The following FRMPD4 variants were observed in gnomAD, a reference collection of about 807,000 sequenced individuals.
The protein encoded by FRMPD4 is FERM and PDZ domain-containing protein 4.
Under a neutral mutation model 94.1 loss-of-function variants are expected in FRMPD4, and 22 were observed. The ratio of observed to expected loss-of-function variants is 0.23; its 90% CI spans 0.17 to 0.33. FRMPD4 has a LOEUF of 0.33. Among genes scored for constraint, FRMPD4 ranks in the 10% least tolerant of loss-of-function variants. The probability of loss-of-function intolerance (pLI) is 1.00; values close to 1 mark genes in which losing one functional copy is unlikely to be tolerated. For missense variants in FRMPD4, 1,111 were observed against 1,339.9 expected (o/e 0.83, Z 2.67); for synonymous variants, 631 against 548.6 (o/e 1.15, Z -2.10).
chrX:11,959,415 C>T (rs1279336920), intron 3 of FRMPD4, among the ~76,000 whole-genome samples: 3 of 112,346 alleles, frequency 2.7e-5, no homozygotes, highest in Admixed American at 9.4e-5. Context: ...TGGAGTGTCA[C>T]GTCCCTTCAG....
intron 4 of FRMPD4, among the ~76,000 whole-genome samples, chrX:12,632,268 G>A (rs1184939508): frequency 9.0e-6 from 1 of 111,354 alleles, no homozygotes; most frequent in East Asian, 2.8e-4. Flanking sequence ...ACTTGAACCT[G>A]TGACACCTTC....
chrX:12,024,075 C>T (rs1285338001), intron 3 of FRMPD4, among the ~76,000 whole-genome samples: 1 of 111,857 alleles, frequency 8.9e-6, no homozygotes, highest in African/African-American at 3.2e-5. Flanking sequence ...CACCATTTGG[C>T]AATATTCCCT....
rs1008351722 is a variant in FRMPD4, at chrX:12,267,577, C to T, written c.41+128565C>T. Among the ~76,000 whole-genome samples the T allele has an allele frequency of 1.1e-4, 12 of 111,989 alleles. 1 individual carries two copies. Among genetic ancestry groups the T allele is most frequent in the Non-Finnish European group, 1.9e-5 (1 of 53,139 alleles). Reference sequence around the variant, plus strand: ...TTTGTCTTGTTGGTTTATACATATTCGTCTACATGGAAAATATTTAGGAGG... The same window carrying T: ...TTTGTCTTGTTGGTTTATACATATTTGTCTACATGGAAAATATTTAGGAGG... On this transcript the variant is annotated intron_variant, in intron 1 of 16. Coordinates refer to ENST00000675598, the MANE Select transcript of FRMPD4 (RefSeq NM_001368397.1).
chrX:12,647,497 T>C (rs2059558818), intron 4 of FRMPD4, among the ~76,000 whole-genome samples: 2 of 111,169 alleles, frequency 1.8e-5, no homozygotes, highest in African/African-American at 6.6e-5. Flanking sequence ...CCCCAGAACT[T>C]CCAGCTGATT....
chrX:12,356,108 G>A (rs2055891716), intron 1 of FRMPD4, among the ~76,000 whole-genome samples: 1 of 111,185 alleles, frequency 9.0e-6, no homozygotes, highest in Non-Finnish European at 1.9e-5. Flanking sequence ...TCTTTAAGGA[G>A]TCAGAGTGTT....
At chrX:12,328,208 T>G (rs1034326891) in intron 1 of FRMPD4, among the ~76,000 whole-genome samples, 5 of 112,272 alleles carry the variant, frequency 4.5e-5, no homozygotes, top group Non-Finnish European at 3.8e-5. Context: ...TGGGTAATAA[T>G]TTTCTAAAAT....
chrX:11,923,410 C>T (rs1173641520), intron 3 of FRMPD4, among the ~76,000 whole-genome samples: 2 of 111,996 alleles, frequency 1.8e-5, no homozygotes, highest in Non-Finnish European at 3.8e-5. Context: ...CCCAAGCCAA[C>T]ACTACCTTAA....
At chrX:12,700,430 G>T (rs1366505432) in intron 9 of FRMPD4, among the ~76,000 whole-genome samples, 1 of 112,349 alleles carries the variant, frequency 8.9e-6, no homozygotes, top group African/African-American at 3.2e-5. Context: ...CTTCCCAGCA[G>T]CACTTAGCTC....
chrX:12,070,831 A>G (rs1021957932), intron 3 of FRMPD4, among the ~76,000 whole-genome samples: 3 of 112,405 alleles, frequency 2.7e-5, no homozygotes, highest in African/African-American at 6.5e-5. Flanking sequence ...ATGAGCTCCA[A>G]TTGAACTAAA....
intron 2 of FRMPD4, among the ~76,000 whole-genome samples, chrX:12,599,817 A>G (rs762707242): frequency 9.0e-6 from 1 of 111,655 alleles, no homozygotes; most frequent in Non-Finnish European, 1.9e-5. Flanking sequence ...GTCACTAAAA[A>G]AAGTTTTGAA....
At chrX:12,041,165 T>C (rs2054752612) in intron 3 of FRMPD4, among the ~76,000 whole-genome samples, 1 of 112,176 alleles carries the variant, frequency 8.9e-6, no homozygotes, top group South Asian at 3.7e-4. Flanking sequence ...TATAGTGTTA[T>C]AATTGTTGCT....
At chrX:12,581,643 C>A (rs1428705987) in intron 2 of FRMPD4, among the ~76,000 whole-genome samples, 1 of 111,737 alleles carries the variant, frequency 8.9e-6, no homozygotes, top group Non-Finnish European at 1.9e-5. Flanking sequence ...AAATGTCTTA[C>A]CAGGCCTCGT....
chrX:11,874,383 C>G (rs1403753498), intron 2 of FRMPD4, among the ~76,000 whole-genome samples: 1 of 112,144 alleles, frequency 8.9e-6, no homozygotes, highest in African/African-American at 3.2e-5. Flanking sequence ...CTCCTGGGCT[C>G]AAGTGATCCT....
At chrX:12,187,919 T>A (rs2056443933) in intron 1 of FRMPD4, among the ~76,000 whole-genome samples, 1 of 111,888 alleles carries the variant, frequency 8.9e-6, no homozygotes, top group Non-Finnish European at 1.9e-5. Context: ...AACAGGCAAA[T>A]GCTTTCAAAC....
At chrX:12,353,320 TCAAA>T (rs974505393) in intron 1 of FRMPD4, among the ~76,000 whole-genome samples, 5 of 112,143 alleles carry the variant, frequency 4.5e-5, no homozygotes, top group African/African-American at 1.6e-4. Context: ...GCTATATCAC[TCAAA>T]CACTTTCTCT....
At chrX:12,713,874 G>A (rs1463634623) in intron 14 of FRMPD4, among the ~76,000 whole-genome samples, 2 of 111,868 alleles carry the variant, frequency 1.8e-5, no homozygotes, top group East Asian at 2.8e-4. Flanking sequence ...CCAGATCTTA[G>A]TCAAGATATC....
intron 3 of FRMPD4, among the ~76,000 whole-genome samples, chrX:11,911,479 G>A (rs1191674034): frequency 8.9e-6 from 1 of 112,181 alleles, no homozygotes; most frequent in Non-Finnish European, 1.9e-5. Context: ...GCCAAAATGT[G>A]ACACTGTTTT....
At chrX:11,977,611 G>A (rs2054374019) in intron 3 of FRMPD4, among the ~76,000 whole-genome samples, 1 of 109,321 alleles carries the variant, frequency 9.1e-6, no homozygotes, top group African/African-American at 3.3e-5. Context: ...TGGTCGGGGT[G>A]TAGCTTGGTT....
intron 2 of FRMPD4, among the ~76,000 whole-genome samples, chrX:12,563,779 C>T (rs924245549): frequency 8.9e-6 from 1 of 112,288 alleles, no homozygotes; most frequent in Non-Finnish European, 1.9e-5. Context: ...GTATTTTTAA[C>T]TCTAACATGT....
Sources: gnomAD v4.1 joint callset for allele counts (sites outside exome capture counted in the v4.1 genomes callset) on GRCh38, gnomAD v4.1.1 for gene constraint, MANE v1.5 for transcripts, NCBI Gene and HGNC (gene_info 2026-07-23, HGNC 2026-07-21) for gene names.